The following ELMOD1 variants were observed in gnomAD, a reference collection of about 807,000 sequenced individuals.
ELMOD1 encodes the protein ELMO domain containing 1.
In ELMOD1, 21 loss-of-function variants were observed where a neutral mutation model predicts 46.7. That is an observed-to-expected ratio of 0.45 (90% CI 0.32 to 0.65). ELMOD1 has a LOEUF of 0.65. ELMOD1 is among the 30% of genes least tolerant of loss of function. The probability of loss-of-function intolerance (pLI) is 0.04; values close to 1 mark genes in which losing one functional copy is unlikely to be tolerated. For missense variants in ELMOD1, 348 were observed against 407.8 expected, an observed-to-expected ratio of 0.85 and a Z score of 1.26; for synonymous variants, 122 against 138.2, an observed-to-expected ratio of 0.88 and a Z score of 0.82.
At chr11:107,629,516 G>A (rs778321217) in intron 2 of ELMOD1, among the ~76,000 whole-genome samples, 17 of 152,186 alleles carry the variant, frequency 1.1e-4, no homozygotes, top group East Asian at 3.9e-4. Flanking sequence ...ATTCTGAACC[G>A]TACCATGAAA....
chr11:107,662,690 C>T (rs933537936), intron 11 of ELMOD1, among the ~76,000 whole-genome samples: 4 of 151,186 alleles, frequency 2.6e-5, no homozygotes, highest in Non-Finnish European at 4.4e-5. Context: ...TTTGGGTGGC[C>T]GAGGCAGGTG....
At chr11:107,597,962 T>C (rs1463103823) in intron 1 of ELMOD1, among the ~76,000 whole-genome samples, 2 of 152,150 alleles carry the variant, frequency 1.3e-5, no homozygotes, top group East Asian at 3.8e-4. Flanking sequence ...TAGACAACGA[T>C]GGAAGATGAA....
At position 107,630,485 on chromosome 11, in the gene ELMOD1, G is replaced by T. The variant is rs760230666; in HGVS notation, c.86G>T (p.Arg29Met). 6 of 1,608,426 alleles carry T rather than the reference G, an allele frequency of 3.7e-6. No homozygotes were observed. The South Asian group carries it at 6.7e-5, about 18-fold the overall frequency. Residue 29 changes from arginine (R) to methionine (M), a missense_variant, in exon 3 of 12, where the codon AGG (arginine) becomes ATG (methionine). Coordinates refer to ENST00000265840, the MANE Select transcript of ELMOD1 (RefSeq NM_018712.4). ...FLWRCLKFVM[R>M]KLTGRCELQR... ...TGGCGCTGCCTGAAATTTGTAATGA[G>T]GAAGCTAACTGGAAGATGTGAACTA...
chr11:107,642,661 A>G (rs111824414), intron 6 of ELMOD1, among the ~76,000 whole-genome samples: 10,951 of 152,230 alleles, frequency 0.072, 406 homozygotes, highest in South Asian at 0.096. Context: ...CACCGCGCCC[A>G]GCAATACTAA....
chr11:107,620,687 G>T (rs995110089), intron 2 of ELMOD1, among the ~76,000 whole-genome samples: 1 of 152,190 alleles, frequency 6.6e-6, no homozygotes, highest in African/African-American at 2.4e-5. Flanking sequence ...CCAACATGGT[G>T]AAACCATCTC....
chr11:107,660,373 C>A (rs1437523771), intron 11 of ELMOD1, among the ~76,000 whole-genome samples: 2 of 152,138 alleles, frequency 1.3e-5, no homozygotes, highest in Admixed American at 6.5e-5. Context: ...CACTGAGCTG[C>A]CAAGGTACTA....
chr11:107,627,637 C>T (rs55764268), intron 2 of ELMOD1, among the ~76,000 whole-genome samples: 40,372 of 152,030 alleles, frequency 0.27, 6,422 homozygotes, highest in Non-Finnish European at 0.36. Context: ...CTTCCTGCCA[C>T]TTAAGATGAC....
At chr11:107,644,264 C>G (rs1377137083) in intron 6 of ELMOD1, among the ~76,000 whole-genome samples, 1 of 151,740 alleles carries the variant, frequency 6.6e-6, no homozygotes, top group Non-Finnish European at 1.5e-5. Context: ...CCACTACACT[C>G]CAGCCTGGGC....
At chr11:107,637,601 G>A (rs924020967) in intron 6 of ELMOD1, among the ~76,000 whole-genome samples, 2 of 151,934 alleles carry the variant, frequency 1.3e-5, no homozygotes, top group Non-Finnish European at 2.9e-5. Flanking sequence ...GCTGAGGCAG[G>A]AGAATTGCTT....
At chr11:107,616,506 G>A (rs527606380) in intron 1 of ELMOD1, among the ~76,000 whole-genome samples, 1 of 152,176 alleles carries the variant, frequency 6.6e-6, no homozygotes, top group African/African-American at 2.4e-5. Flanking sequence ...AATCTCCTGA[G>A]TAACTGGGAC....
intron 1 of ELMOD1, among the ~76,000 whole-genome samples, chr11:107,614,969 C>T (rs1400187318): frequency 6.6e-6 from 1 of 152,078 alleles, no homozygotes; most frequent in Non-Finnish European, 1.5e-5. Context: ...GCACCTATTT[C>T]CACTTGTAAT....
intron 1 of ELMOD1, 74 bp downstream of exon 1, chr11:107,591,483 C>T: frequency 5.0e-6 from 1 of 200,686 alleles, no homozygotes. Flanking sequence ...GCGGCGAGGA[C>T]GCGAGGCATC....
chr11:107,623,833 C>T (rs1865996798), intron 2 of ELMOD1: 2 of 152,112 alleles, frequency 1.3e-5, no homozygotes, highest in Admixed American at 6.5e-5. Flanking sequence ...CCATATCTCC[C>T]ACTCTCATTT....
chr11:107,649,279 A>C (rs1866484493), intron 7 of ELMOD1, among the ~76,000 whole-genome samples: 1 of 152,188 alleles, frequency 6.6e-6, no homozygotes, highest in African/African-American at 2.4e-5. Context: ...ATTTAGAAGA[A>C]AATCAAGATA....
intron 1 of ELMOD1, among the ~76,000 whole-genome samples, chr11:107,615,851 C>T (rs1865853122): frequency 6.6e-6 from 1 of 151,326 alleles, no homozygotes; most frequent in African/African-American, 2.4e-5. Flanking sequence ...CATGATTAGA[C>T]TGGGGTTATA....
At chr11:107,611,421 C>T (rs908710010) in intron 1 of ELMOD1, among the ~76,000 whole-genome samples, 1 of 152,108 alleles carries the variant, frequency 6.6e-6, no homozygotes, top group Non-Finnish European at 1.5e-5. Context: ...GTGGCCAAGG[C>T]TGGGTGTGGT....
chr11:107,645,111 G>A, intron 6 of ELMOD1, among the ~76,000 whole-genome samples: 1 of 45,804 alleles, frequency 2.2e-5, no homozygotes, highest in African/African-American at 8.3e-5. Flanking sequence ...TTTTTTTTTT[G>A]TATTATTTGT....
intron 11 of ELMOD1, among the ~76,000 whole-genome samples, chr11:107,661,326 C>T (rs1253390067): frequency 6.6e-6 from 1 of 152,210 alleles, no homozygotes; most frequent in Non-Finnish European, 1.5e-5. Flanking sequence ...AACCGTGCCA[C>T]ACTACATCAC....
At chr11:107,653,330 CAAGA>C (rs1257956100) in intron 9 of ELMOD1, 3 of 137,836 alleles carry the variant, frequency 2.2e-5, no homozygotes, top group African/African-American at 5.1e-5. Context: ...AGAGCGAGGC[CAAGA>C]AAGAGAGAGA....
Sources: gnomAD v4.1 joint callset for allele counts (sites outside exome capture counted in the v4.1 genomes callset) on GRCh38, gnomAD v4.1.1 for gene constraint, MANE v1.5 for transcripts, NCBI Gene and HGNC (gene_info 2026-07-23, HGNC 2026-07-21) for gene names.